MECOM: variants seen among roughly 807,000 people sequenced by gnomAD.
MECOM encodes the protein histone-lysine N-methyltransferase MECOM.
Under a neutral mutation model 116.3 loss-of-function variants are expected in MECOM, and 13 were observed. The ratio of observed to expected loss-of-function variants is 0.11; its 90% CI spans 0.07 to 0.18. The LOEUF is 0.18. Ranked by LOEUF, MECOM falls within the 10% of genes least tolerant of loss-of-function variation. The probability of loss-of-function intolerance (pLI) is 1.00; values close to 1 mark genes in which losing one functional copy is unlikely to be tolerated. For missense variants in MECOM, 1,299 were observed against 1,509.0 expected (o/e 0.86, Z 2.31); for synonymous variants, 528 against 535.2 (o/e 0.99, Z 0.19).
chr3:169,604,703 T>A (rs766269223), intron 1 of MECOM, among the ~76,000 whole-genome samples: 1 of 152,164 alleles, frequency 6.6e-6, no homozygotes, highest in African/African-American at 2.4e-5. Context: ...AGAGCTGCCC[T>A]CTGAAAGGGC....
At chr3:169,661,413 C>T (rs1013020394) in intron 1 of MECOM, among the ~76,000 whole-genome samples, 18 of 151,904 alleles carry the variant, frequency 1.2e-4, no homozygotes, top group Admixed American at 9.9e-4. Flanking sequence ...AAAATAAAGA[C>T]ATCGGCCTCA....
chr3:169,487,593 G>A (rs1248055514), intron 1 of MECOM, among the ~76,000 whole-genome samples: 5 of 151,602 alleles, frequency 3.3e-5, no homozygotes, highest in African/African-American at 1.2e-4. Context: ...AAAGGAGAAA[G>A]AAAAACAAGT....
At chr3:169,414,994 C>A (rs4955650) in intron 1 of MECOM, among the ~76,000 whole-genome samples, 6,807 of 152,196 alleles carry the variant, frequency 0.045, 452 homozygotes, top group Admixed American at 0.19. Context: ...TGCAACCTAG[C>A]AAGACAAGCT....
chr3:169,329,978 A>C (rs372888931), intron 2 of MECOM, among the ~76,000 whole-genome samples: 8 of 152,328 alleles, frequency 5.3e-5, no homozygotes, highest in Non-Finnish European at 1.0e-4. Flanking sequence ...AAATATCTAA[A>C]TCTATTTCAA....
At chr3:169,503,440 A>G (rs1184337748) in intron 1 of MECOM, among the ~76,000 whole-genome samples, 5 of 152,222 alleles carry the variant, frequency 3.3e-5, no homozygotes, top group Admixed American at 3.3e-4. Flanking sequence ...TCTGAATATT[A>G]CAGTGATTGA....
At chr3:169,493,760 G>C (rs1321029777) in intron 1 of MECOM, among the ~76,000 whole-genome samples, 1 of 152,016 alleles carries the variant, frequency 6.6e-6, no homozygotes, top group Non-Finnish European at 1.5e-5. Context: ...AAGAAAGCTT[G>C]ACAGCAAGAA....
intron 2 of MECOM, among the ~76,000 whole-genome samples, chr3:169,172,881 C>T (rs1744643343): frequency 6.6e-6 from 1 of 152,088 alleles, no homozygotes; most frequent in Non-Finnish European, 1.5e-5. Context: ...GGTCCCAATG[C>T]TTGTCTTATT....
intron 1 of MECOM, among the ~76,000 whole-genome samples, chr3:169,483,190 A>ATTTTTTTT (rs1396731754): frequency 7.4e-6 from 1 of 135,594 alleles, no homozygotes; most frequent in Non-Finnish European, 1.6e-5. Context: ...CCATTGTTTT[A>ATTTTTTTT]TTTTTATTTT....
At chr3:169,543,751 A>C (rs1452588479) in intron 1 of MECOM, among the ~76,000 whole-genome samples, 1 of 152,184 alleles carries the variant, frequency 6.6e-6, no homozygotes, top group Admixed American at 6.5e-5. Context: ...ATATAAGATA[A>C]TTATATTTTA....
At chr3:169,088,063 G>T (rs987664137) in intron 16 of MECOM, among the ~76,000 whole-genome samples, 2 of 152,106 alleles carry the variant, frequency 1.3e-5, no homozygotes, top group Non-Finnish European at 2.9e-5. Flanking sequence ...TATTACATTT[G>T]CTGTTAAGAC....
At chr3:169,498,844 A>G (rs921305119) in intron 1 of MECOM, among the ~76,000 whole-genome samples, 1 of 152,226 alleles carries the variant, frequency 6.6e-6, no homozygotes, top group Admixed American at 6.5e-5. Flanking sequence ...TCTAAGAGGA[A>G]AAGGAGCATT....
In MECOM at chr3:169,089,039, C is replaced by G; in HGVS notation, c.3546G>C (p.Glu1182Asp). 6.2e-7 allele frequency: 1 copy of G among 1,605,740 alleles called. No individual in the cohort carries two copies. The highest frequency in any genetic ancestry group is 8.5e-7 in the Non-Finnish European group (1 of 1,176,852). ...LSSFSTSHVP[E>D]ELKQPLHRKS... The stretch of plus-strand genomic sequence containing the variant: ...TTCTGTGTAACGGCTGCTTAAGTTC[C>G]TCTGGCACATGGGAAGTACTAAAAG... The change falls in exon 16 of 17, where the codon GAG becomes GAC. Residue 1182 changes from glutamate to aspartate, a missense_variant. Physicochemically the swap from Glu to Asp is conservative, Grantham distance 45. Transcript: ENST00000651503.
intron 2 of MECOM, among the ~76,000 whole-genome samples, chr3:169,275,495 T>C (rs1013223315): frequency 6.6e-6 from 1 of 152,222 alleles, no homozygotes; most frequent in Non-Finnish European, 1.5e-5. Flanking sequence ...GCAGGAAGAT[T>C]TGATAATGTT....
At chr3:169,614,042 T>C (rs1769637261) in intron 1 of MECOM, among the ~76,000 whole-genome samples, 1 of 152,158 alleles carries the variant, frequency 6.6e-6, no homozygotes, top group Non-Finnish European at 1.5e-5. Context: ...ATTCATCTCA[T>C]TTCACCATAA....
At chr3:169,085,468 C>G (rs1717368142) in intron 16 of MECOM, among the ~76,000 whole-genome samples, 1 of 152,180 alleles carries the variant, frequency 6.6e-6, no homozygotes, top group African/African-American at 2.4e-5. Flanking sequence ...GAGGATACAG[C>G]CTGACTCCTA....
intron 1 of MECOM, among the ~76,000 whole-genome samples, chr3:169,648,861 T>C (rs1774506508): frequency 6.6e-6 from 1 of 152,194 alleles, no homozygotes; most frequent in South Asian, 2.1e-4. Flanking sequence ...AGACTTCAGT[T>C]TGGGCATTTT....
intron 2 of MECOM, among the ~76,000 whole-genome samples, chr3:169,204,485 G>A (rs1436291771): frequency 6.6e-6 from 1 of 152,122 alleles, no homozygotes; most frequent in Non-Finnish European, 1.5e-5. Context: ...TGTATAATTG[G>A]AAACAGAATT....
At chr3:169,346,560 A>G (rs1207500243) in intron 2 of MECOM, among the ~76,000 whole-genome samples, 6 of 152,028 alleles carry the variant, frequency 3.9e-5, no homozygotes, top group Non-Finnish European at 8.8e-5. Context: ...GTAGCTAACT[A>G]GATATGTGAC....
At chr3:169,167,129 C>G (rs1039501112) in intron 2 of MECOM, among the ~76,000 whole-genome samples, 1 of 152,134 alleles carries the variant, frequency 6.6e-6, no homozygotes, top group African/African-American at 2.4e-5. Context: ...TGCATGCTAC[C>G]GTGTCTGGCT....
Sources: gnomAD v4.1 joint callset for allele counts (sites outside exome capture counted in the v4.1 genomes callset) on GRCh38, gnomAD v4.1.1 for gene constraint, MANE v1.5 for transcripts, NCBI Gene and HGNC (gene_info 2026-07-23, HGNC 2026-07-21) for gene names.